The following SLC9B2 variants were observed in gnomAD, a reference collection of about 807,000 sequenced individuals.
The protein encoded by SLC9B2 is solute carrier family 9 member B2.
Under a neutral mutation model 52.2 loss-of-function variants are expected in SLC9B2, and 39 were observed. The observed-to-expected ratio is 0.75, with a 90% CI of 0.58 to 0.98. SLC9B2 has a LOEUF of 0.98. Among genes scored for constraint, SLC9B2 ranks in the 50% least tolerant of loss-of-function variants. SLC9B2 has a pLI of 0.00. For missense variants in SLC9B2, 626 were observed against 637.5 expected, an observed-to-expected ratio of 0.98 and a Z score of 0.19; for synonymous variants, 214 against 227.0, an observed-to-expected ratio of 0.94 and a Z score of 0.51.
At chr4:103,020,959 T>A (rs1254875682), downstream of SLC9B2, among the ~76,000 whole-genome samples, 5 of 152,196 alleles carry the variant, frequency 3.3e-5, no homozygotes, top group Admixed American at 3.3e-4. Context: ...CTTCCCTCCT[T>A]CAACGTGTTA....
chr4:103,031,629 G>A (rs1560541544), intron 10 of SLC9B2, 71 bp downstream of exon 10: 7 of 1,089,692 alleles, frequency 6.4e-6, no homozygotes, highest in Non-Finnish European at 9.7e-6. Flanking sequence ...AATATAAAAA[G>A]TAGACTTTAT....
intron 6 of SLC9B2, 121 bp from the exon 7 acceptor site, chr4:103,047,347 T>TC (rs1744245232): frequency 1.5e-5 from 13 of 893,192 alleles, no homozygotes; most frequent in Non-Finnish European, 2.1e-5. Flanking sequence ...TTTTTTTTTT[T>TC]CTAAATTAAG....
intron 9 of SLC9B2, among the ~76,000 whole-genome samples, chr4:103,034,029 G>A (rs899486250): frequency 6.6e-6 from 1 of 151,916 alleles, no homozygotes; most frequent in Non-Finnish European, 1.5e-5. Flanking sequence ...GCAAATCCAG[G>A]GATATCACAC....
At chr4:103,038,225 T>C (rs2110591277) in intron 9 of SLC9B2, among the ~76,000 whole-genome samples, 2 of 152,318 alleles carry the variant, frequency 1.3e-5, no homozygotes, top group Middle Eastern at 3.4e-3. Flanking sequence ...TAATTTTAGA[T>C]TACTTAGACT....
chr4:103,041,229 T>C (rs1293740119), intron 9 of SLC9B2, among the ~76,000 whole-genome samples: 4 of 152,058 alleles, frequency 2.6e-5, no homozygotes, highest in African/African-American at 9.7e-5. Context: ...AAGGAATGGG[T>C]AAAAAAACCA....
intron 8 of SLC9B2, among the ~76,000 whole-genome samples, chr4:103,044,323 T>G (rs1304968657): frequency 6.6e-6 from 1 of 152,218 alleles, no homozygotes; most frequent in Non-Finnish European, 1.5e-5. Flanking sequence ...ATGATGGAAA[T>G]GTTCTGTATC....
At chr4:103,033,055 T>C (rs1456339953) in intron 9 of SLC9B2, among the ~76,000 whole-genome samples, 1 of 152,186 alleles carries the variant, frequency 6.6e-6, no homozygotes, top group Admixed American at 6.5e-5. Context: ...TACTATTTGA[T>C]TTCTCTTTCC....
chr4:103,067,588 G>T lies in SLC9B2; in HGVS notation c.-38C>A. 6.8e-7 allele frequency: 1 copy of T among 1,480,182 alleles called. No individual in the cohort carries two copies. The highest frequency in any genetic ancestry group is 1.4e-5 in the African/African-American group (1 of 72,312). The allele number at this position is 1,480,182 out of a possible 1,614,324, so 91.7% of individuals were successfully genotyped here. On this transcript the variant is annotated 5_prime_UTR_variant, in exon 2 of 12. Transcript: ENST00000394785. Reference sequence around the variant, plus strand: ...AGAAGATGACACAGGGAAGAGGAACGAGATCTGTTTTGAAAGAGTATAGAT... The same window carrying T: ...AGAAGATGACACAGGGAAGAGGAACTAGATCTGTTTTGAAAGAGTATAGAT...
intron 10 of SLC9B2, among the ~76,000 whole-genome samples, chr4:103,030,769 C>T (rs998581560): frequency 2.6e-5 from 4 of 151,924 alleles, no homozygotes; most frequent in Admixed American, 6.6e-5. Context: ...TAAGTATATT[C>T]ACACTATTAT....
intron 3 of SLC9B2, among the ~76,000 whole-genome samples, chr4:103,063,583 T>C (rs1745853000): frequency 6.6e-6 from 1 of 152,034 alleles, no homozygotes; most frequent in Non-Finnish European, 1.5e-5. Flanking sequence ...GACATAAAAT[T>C]ATGAAACTAT....
intron 1 of SLC9B2, among the ~76,000 whole-genome samples, chr4:103,071,070 A>T (rs1347744119): frequency 6.6e-6 from 1 of 152,170 alleles, no homozygotes; most frequent in Non-Finnish European, 1.5e-5. Flanking sequence ...AGAAAAAAAA[A>T]ATCCTTTAAC....
chr4:103,019,545 C>A, downstream of SLC9B2: 2 of 981,896 alleles, frequency 2.0e-6, no homozygotes, highest in Non-Finnish European at 2.4e-6. Flanking sequence ...GCGGCAGACC[C>A]GGGACTAGCG....
intron 9 of SLC9B2, among the ~76,000 whole-genome samples, chr4:103,032,560 G>C (rs960305401): frequency 6.6e-6 from 1 of 152,094 alleles, no homozygotes; most frequent in Non-Finnish European, 1.5e-5. Context: ...CAAGCTGAAG[G>C]TGCTTTTCTT....
chr4:103,031,928 A>G (rs994200668), intron 9 of SLC9B2, 120 bp from the exon 10 acceptor site: 3 of 965,266 alleles, frequency 3.1e-6, no homozygotes, highest in African/African-American at 1.6e-5. Context: ...TGTGCCATCT[A>G]TAACTAAAAG....
intron 3 of SLC9B2, 90 bp from the exon 4 acceptor site, chr4:103,058,061 T>C (rs1452563815): frequency 5.2e-6 from 6 of 1,152,548 alleles, no homozygotes; most frequent in Non-Finnish European, 7.5e-6. Context: ...AAATAAATAC[T>C]GAATGAAAAT....
Position 103,026,216 on chromosome 4 carries a change from A to G in SLC9B2, c.*154T>C. 1.5e-6 allele frequency: 1 copy of G among 657,558 alleles called. No homozygotes were observed. Among genetic ancestry groups the G allele is most frequent in the Non-Finnish European group, 2.5e-6 (1 of 394,892 alleles). The allele number at this position is 657,558 out of a possible 1,614,324, so 40.7% of individuals were successfully genotyped here. A position where few individuals can be genotyped will look rare whatever the true frequency, so the allele number is the denominator to read the frequency against. ...GGTGATATAGATCATTACCACCCAC[A>G]TGGAAAGAGCAAGGGCTAAAAATGC... On this transcript the variant is annotated 3_prime_UTR_variant, in exon 12 of 12. Coordinates refer to ENST00000394785, the MANE Select transcript of SLC9B2 (RefSeq NM_178833.7).
chr4:103,059,604 GCTTTAT>G (rs1177378378), intron 3 of SLC9B2, among the ~76,000 whole-genome samples: 8 of 152,086 alleles, frequency 5.3e-5, no homozygotes, highest in Non-Finnish European at 1.0e-4. Flanking sequence ...TGCAGGGAAG[GCTTTAT>G]CTTTAATTGT....
Position 103,026,273 on chromosome 4 carries a change from A to G in SLC9B2, c.*97T>C. 8 of 1,154,964 alleles carry G rather than the reference A, an allele frequency of 6.9e-6. No individual in the cohort carries two copies. Among genetic ancestry groups the G allele is most frequent in the Non-Finnish European group, 9.8e-6 (8 of 815,358 alleles). The allele number at this position is 1,154,964 out of a possible 1,614,324, so 71.5% of individuals were successfully genotyped here. ...AAGAAACAGCTACACTTTTGGTTCT[A>G]TTACATTTTAAGCTTAAACATTACA... On this transcript the variant is annotated 3_prime_UTR_variant, in exon 12 of 12. Coordinates refer to ENST00000394785, the MANE Select transcript of SLC9B2 (RefSeq NM_178833.7).
chr4:103,033,230 G>A (rs936713729), intron 9 of SLC9B2, among the ~76,000 whole-genome samples: 3 of 152,054 alleles, frequency 2.0e-5, no homozygotes, highest in Non-Finnish European at 4.4e-5. Flanking sequence ...TGTACCATGT[G>A]TAACAGAATA....
Sources: allele counts gnomAD v4.1 joint callset (sites outside exome capture counted in the v4.1 genomes callset), GRCh38; gene constraint gnomAD v4.1.1; transcripts MANE v1.5; gene names NCBI Gene and HGNC (gene_info 2026-07-23, HGNC 2026-07-21).